The following HSP90AA1 variants were observed in gnomAD, a reference collection of about 807,000 sequenced individuals.
HSP90AA1 encodes the protein heat shock protein 90 alpha family class A member 1, also known as heat shock protein HSP 90-alpha.
HSP90AA1 carries 18 observed loss-of-function variants against 73.3 expected under a neutral mutation model. That is an observed-to-expected ratio of 0.25 (90% CI 0.17 to 0.36). The LOEUF (loss-of-function observed/expected upper bound fraction) is 0.36. Among genes scored for constraint, HSP90AA1 ranks in the 10% least tolerant of loss-of-function variants. The pLI is 1.00. For synonymous variants in HSP90AA1, 477 were observed against 296.9 expected (o/e 1.61, Z -6.24); for missense variants, 704 against 874.2 (o/e 0.81, Z 2.45).
intron 9 of HSP90AA1, 29 bp downstream of exon 9, chr14:102,083,005 A>G (rs1405193185): frequency 7.5e-6 from 12 of 1,604,842 alleles, no homozygotes; most frequent in South Asian, 1.1e-5. Flanking sequence ...TAGAAGTATC[A>G]ATGATCAGGA....
At chr14:102,134,972 G>A (rs1176908803) in intron 1 of HSP90AA1, among the ~76,000 whole-genome samples, 1 of 151,938 alleles carries the variant, frequency 6.6e-6, no homozygotes, top group East Asian at 1.9e-4. Context: ...TACATACAAA[G>A]GTTCTCCACG....
At chr14:102,109,413 GT>G (rs1264614102) in intron 1 of HSP90AA1, among the ~76,000 whole-genome samples, 1 of 152,172 alleles carries the variant, frequency 6.6e-6, no homozygotes, top group African/African-American at 2.4e-5. Context: ...AATCATGGAG[GT>G]GGGTCTTTCC....
chr14:102,089,734 A>C (rs2049328098), upstream of HSP90AA1, among the ~76,000 whole-genome samples: 1 of 152,080 alleles, frequency 6.6e-6, no homozygotes, highest in Non-Finnish European at 1.5e-5. Flanking sequence ...CTCGTTAGCC[A>C]GGTCACTGAC....
At chr14:102,082,069 T>G in intron 10 of HSP90AA1, 42 bp downstream of exon 10, 5 of 1,298,632 alleles carry the variant, frequency 3.9e-6, no homozygotes, top group Non-Finnish European at 5.6e-6. Context: ...CAATGTCACG[T>G]GTGTTTATTT....
chr14:102,086,186 A>C, intron 2 of HSP90AA1, 31 bp downstream of exon 2: 1 of 1,614,228 alleles, frequency 6.2e-7, no homozygotes, highest in Admixed American at 1.7e-5. Flanking sequence ...ACTGAAACCA[A>C]AATCCGATTC....
At chr14:102,097,554 C>A (rs1016572534) in intron 2 of HSP90AA1, among the ~76,000 whole-genome samples, 1 of 152,062 alleles carries the variant, frequency 6.6e-6, no homozygotes, top group Non-Finnish European at 1.5e-5. Flanking sequence ...TGAGTCCCCC[C>A]AAGGGCAACC....
chr14:102,109,922 C>T (rs796109409), intron 1 of HSP90AA1, among the ~76,000 whole-genome samples: 12 of 152,130 alleles, frequency 7.9e-5, no homozygotes, highest in African/African-American at 2.9e-4. Context: ...GGAACTGGAG[C>T]AAAGGTGACT....
At chr14:102,103,572 G>A (rs1050314229) in intron 1 of HSP90AA1, among the ~76,000 whole-genome samples, 1 of 151,970 alleles carries the variant, frequency 6.6e-6, no homozygotes. Flanking sequence ...GGGAGGCCGA[G>A]GGGGGTGGAT....
At chr14:102,090,756 A>G (rs1316729824), upstream of HSP90AA1, among the ~76,000 whole-genome samples, 3 of 152,144 alleles carry the variant, frequency 2.0e-5, no homozygotes, top group Non-Finnish European at 4.4e-5. Flanking sequence ...TGGCCTCAAC[A>G]ACGTATTTCT....
chr14:102,096,928 G>A (rs1312758238), intron 2 of HSP90AA1, among the ~76,000 whole-genome samples: 1 of 152,190 alleles, frequency 6.6e-6, no homozygotes, highest in Non-Finnish European at 1.5e-5. Context: ...ACCCTGAAAA[G>A]TTCATGGCAA....
At chr14:102,135,574 C>A (rs1453687375) in intron 1 of HSP90AA1, among the ~76,000 whole-genome samples, 1 of 152,228 alleles carries the variant, frequency 6.6e-6, no homozygotes, top group Non-Finnish European at 1.5e-5. Flanking sequence ...TGGTGCTCGT[C>A]GGGGAGGCTC....
intron 1 of HSP90AA1, 84 bp downstream of exon 1, chr14:102,086,902 G>A: frequency 2.5e-6 from 2 of 796,910 alleles, no homozygotes; most frequent in Non-Finnish European, 3.0e-6. Context: ...ATCTGGTCCG[G>A]CCCCCACAGC....
rs1329581687 is a variant in HSP90AA1 at position 102,103,240 on chromosome 14, T to TC, written c.156-1156dup. ...GAGTTGATTTTTTTTTTTTTTTTTT[T>TC]CAGATAGGGTCTCGGTTCTAGTGCA... On this transcript the variant is annotated intron_variant, in intron 1 of 11. Transcript: ENST00000334701. 3.7e-3 allele frequency among the ~76,000 whole-genome samples: 522 copies of TC among 141,516 alleles called. 3 individuals carry two copies. The highest frequency in any genetic ancestry group is 9.3e-3 in the African/African-American group (346 of 37,198). 92.8% of individuals were successfully genotyped at this position (141,516 alleles called of 152,430 possible).
chr14:102,100,907 G>A (rs1047635461), intron 2 of HSP90AA1, among the ~76,000 whole-genome samples: 1 of 152,170 alleles, frequency 6.6e-6, no homozygotes, highest in Non-Finnish European at 1.5e-5. Context: ...CTTCAAAGAC[G>A]TATAAACTCT....
At chr14:102,115,096 G>A (rs902979640) in intron 1 of HSP90AA1, among the ~76,000 whole-genome samples, 4 of 150,946 alleles carry the variant, frequency 2.6e-5, no homozygotes, top group African/African-American at 9.7e-5. Context: ...GCAGTGAGCC[G>A]AGATGGCGCC....
At chr14:102,094,405 G>C (rs1186521104) in intron 2 of HSP90AA1, among the ~76,000 whole-genome samples, 1 of 152,228 alleles carries the variant, frequency 6.6e-6, no homozygotes, top group Non-Finnish European at 1.5e-5. Context: ...GACCATTGTG[G>C]TCGAGGCAGG....
At chr14:102,130,499 T>A (rs546426090) in intron 1 of HSP90AA1, among the ~76,000 whole-genome samples, 9 of 152,318 alleles carry the variant, frequency 5.9e-5, no homozygotes, top group African/African-American at 2.2e-4. Flanking sequence ...TGAAGTGACA[T>A]CTCCTTGTGG....
At chr14:102,109,329 A>G (rs2152621376) in intron 1 of HSP90AA1, among the ~76,000 whole-genome samples, 1 of 152,200 alleles carries the variant, frequency 6.6e-6, no homozygotes, top group Non-Finnish European at 1.5e-5. Flanking sequence ...CTGTGTCCTC[A>G]CCCAAATCTC....
chr14:102,084,077 G>T, intron 6 of HSP90AA1, 94 bp from the exon 7 acceptor site: 1 of 1,000,590 alleles, frequency 1.0e-6, no homozygotes, highest in Admixed American at 2.0e-5. Context: ...TGAAGATGAT[G>T]GGACGTATTT....
Sources: gnomAD v4.1 joint callset for allele counts (sites outside exome capture counted in the v4.1 genomes callset) on GRCh38, gnomAD v4.1.1 for gene constraint, MANE v1.5 for transcripts, NCBI Gene and HGNC (gene_info 2026-07-23, HGNC 2026-07-21) for gene names.